The following TTC7B variants were observed in gnomAD, a reference collection of about 807,000 sequenced individuals.
The protein encoded by TTC7B is tetratricopeptide repeat protein 7B.
In TTC7B, 28 loss-of-function variants were observed where a neutral mutation model predicts 106.8. The observed-to-expected ratio is 0.26, with a 90% CI of 0.19 to 0.36. The LOEUF (loss-of-function observed/expected upper bound fraction) is 0.36, where lower values mean the gene tolerates loss of function less well. Ranked by LOEUF, TTC7B falls within the 10% of genes least tolerant of loss-of-function variation. The probability of loss-of-function intolerance (pLI) is 1.00; values close to 1 mark genes in which losing one functional copy is unlikely to be tolerated. For synonymous variants in TTC7B, 405 were observed against 430.6 expected (o/e 0.94, Z 0.74); for missense variants, 862 against 1,076.4 (o/e 0.80, Z 2.79).
At chr14:90,794,617 G>A (rs1459930984) in intron 1 of TTC7B, among the ~76,000 whole-genome samples, 1 of 152,124 alleles carries the variant, frequency 6.6e-6, no homozygotes, top group East Asian at 1.9e-4. Context: ...AGGCAGGTAG[G>A]TATCGGCTCC....
rs976818268 is a variant in TTC7B, at chr14:90,657,107, T to C, written c.1341+67A>G. ...CTCGCTTTCTCTCTGTGCCTCGACA[T>C]GAAAAAAATGGGCAGTCCTGGCCCA... On this transcript the variant is annotated intron_variant, in intron 11 of 19. Coordinates refer to ENST00000328459, the MANE Select transcript of TTC7B (RefSeq NM_001010854.2). The surrounding 1 kb of genome is among the most constrained non-coding windows in gnomAD (Gnocchi z 4.2). The C allele has an allele frequency of 1.3e-5, 17 of 1,336,956 alleles. No individual in the cohort carries two copies. The highest frequency in any genetic ancestry group is 1.7e-5 in the Non-Finnish European group (16 of 943,620). 82.8% of individuals were successfully genotyped at this position (1,336,956 alleles called of 1,614,324 possible). A position where few individuals can be genotyped will look rare whatever the true frequency, so the allele number is the denominator to read the frequency against.
chr14:90,765,643 A>T (rs1157536398), intron 3 of TTC7B, among the ~76,000 whole-genome samples: 1 of 152,200 alleles, frequency 6.6e-6, no homozygotes, highest in Non-Finnish European at 1.5e-5. Flanking sequence ...TACAATTTCC[A>T]GGGGAAAGCT....
intron 19 of TTC7B, among the ~76,000 whole-genome samples, chr14:90,544,201 T>A (rs1171152720): frequency 1.3e-5 from 2 of 152,166 alleles, no homozygotes; most frequent in African/African-American, 4.8e-5. Context: ...ATGGCTGCCC[T>A]CCCCCGTCTG....
At chr14:90,546,545 G>C (rs1333070797) in intron 19 of TTC7B, among the ~76,000 whole-genome samples, 3 of 152,178 alleles carry the variant, frequency 2.0e-5, no homozygotes, top group Non-Finnish European at 2.9e-5. Flanking sequence ...GGGCCTTCCT[G>C]CTAGAGCCCT....
chr14:90,617,812 G>T, intron 16 of TTC7B, 117 bp downstream of exon 16: 2 of 745,400 alleles, frequency 2.7e-6, no homozygotes, highest in Non-Finnish European at 4.7e-6. Flanking sequence ...ACTTGTGGGG[G>T]CCTGGAGGTG....
intron 9 of TTC7B, among the ~76,000 whole-genome samples, chr14:90,673,013 A>G (rs74081286): frequency 0.02 from 2,981 of 152,312 alleles, 80 homozygotes; most frequent in African/African-American, 0.068. Context: ...GCCTAGGCTC[A>G]CACGACTGGT....
chr14:90,542,703 T>G (rs572246563), intron 19 of TTC7B, among the ~76,000 whole-genome samples: 2 of 138,454 alleles, frequency 1.4e-5, no homozygotes, highest in East Asian at 4.5e-4. Context: ...ACACAGTCTA[T>G]GTATAAACAG....
At chr14:90,674,382 G>A (rs1042638305) in intron 9 of TTC7B, among the ~76,000 whole-genome samples, 17 of 152,248 alleles carry the variant, frequency 1.1e-4, no homozygotes, top group African/African-American at 3.9e-4. Context: ...AACATCGACC[G>A]TTTTAGTCGG....
intron 2 of TTC7B, among the ~76,000 whole-genome samples, chr14:90,782,585 C>A (rs143953578): frequency 3.3e-5 from 5 of 152,168 alleles, no homozygotes; most frequent in African/African-American, 1.2e-4. Flanking sequence ...GATGACAGAG[C>A]GAGACTCTGT....
At chr14:90,652,232 C>T (rs551345207) in intron 13 of TTC7B, among the ~76,000 whole-genome samples, 2 of 152,258 alleles carry the variant, frequency 1.3e-5, no homozygotes, top group East Asian at 3.9e-4. Context: ...TGTCCGTCTT[C>T]CTCACTTGTG....
chr14:90,696,135 G>T (rs886261896), intron 5 of TTC7B, among the ~76,000 whole-genome samples: 2 of 152,090 alleles, frequency 1.3e-5, no homozygotes, highest in African/African-American at 4.8e-5. Context: ...AGAAGCAAAG[G>T]GTCAGAGGCC....
intron 5 of TTC7B, among the ~76,000 whole-genome samples, chr14:90,700,108 ACT>A (rs1283258204): frequency 1.3e-5 from 2 of 152,202 alleles, no homozygotes; most frequent in African/African-American, 4.8e-5. Flanking sequence ...AAAGCACTGC[ACT>A]CTCTTAACTA....
At chr14:90,645,117 T>C (rs1010822739) in intron 14 of TTC7B, 1 of 152,244 alleles carries the variant, frequency 6.6e-6, no homozygotes, top group Non-Finnish European at 1.5e-5. Context: ...ATCCCACAGA[T>C]GGCTTCCGGT....
chr14:90,798,066 A>G (rs2029989347), intron 1 of TTC7B, among the ~76,000 whole-genome samples: 1 of 152,154 alleles, frequency 6.6e-6, no homozygotes, highest in East Asian at 1.9e-4. Context: ...AGAGGCTTAG[A>G]AAAGGGCTTA....
intron 4 of TTC7B, among the ~76,000 whole-genome samples, chr14:90,732,678 C>G (rs1274510984): frequency 6.6e-6 from 1 of 152,116 alleles, no homozygotes; most frequent in Non-Finnish European, 1.5e-5. Flanking sequence ...GCGCCTGGCT[C>G]CTGAAAAATT....
chr14:90,796,032 C>T (rs1015658531), intron 1 of TTC7B, among the ~76,000 whole-genome samples: 1 of 152,278 alleles, frequency 6.6e-6, no homozygotes, highest in Non-Finnish European at 1.5e-5. Flanking sequence ...CCTGGAGCTG[C>T]GTTTGAACGC....
At chr14:90,573,604 C>A (rs992517269) in intron 19 of TTC7B, among the ~76,000 whole-genome samples, 6 of 149,668 alleles carry the variant, frequency 4.0e-5, no homozygotes, top group Non-Finnish European at 7.4e-5. Flanking sequence ...CGGTCCCTCT[C>A]AGCTCACGGT....
rs76440100 is a variant in TTC7B at position 90,640,788 on chromosome 14, A to G, written c.1751+3260T>C. On this transcript the variant is annotated intron_variant, in intron 15 of 19. Transcript: ENST00000328459. The stretch of plus-strand genomic sequence containing the variant: ...TCAATTCTGACCACAACTGTCTGAG[A>G]TGGATATTTTATTATTCACATTTTG... 4.3e-3 allele frequency among the ~76,000 whole-genome samples: 657 copies of G among 152,306 alleles called. 3 individuals are homozygous for G. The highest frequency in any genetic ancestry group is 5.7e-3 in the Non-Finnish European group (388 of 68,030).
At chr14:90,754,297 A>G (rs951791838) in intron 3 of TTC7B, among the ~76,000 whole-genome samples, 1 of 152,196 alleles carries the variant, frequency 6.6e-6, no homozygotes, top group African/African-American at 2.4e-5. Flanking sequence ...TCTCGTCTCT[A>G]TGATGTATCT....
Sources: gnomAD v4.1 joint callset for allele counts (sites outside exome capture counted in the v4.1 genomes callset) on GRCh38, gnomAD v4.1.1 for gene constraint, Gnocchi (gnomAD v3.1) non-coding constraint, MANE v1.5 for transcripts, NCBI Gene and HGNC (gene_info 2026-07-23, HGNC 2026-07-21) for gene names.